ANXA8: variants seen among roughly 807,000 people sequenced by gnomAD.
ANXA8 encodes VAC-beta.
A neutral mutation model predicts 26.8 loss-of-function variants in ANXA8; 9 were observed. The observed-to-expected ratio is 0.34, with a 90% CI of 0.20 to 0.59. ANXA8 has a LOEUF of 0.59. Among genes scored for constraint, ANXA8 ranks in the 20% least tolerant of loss-of-function variants. The probability of loss-of-function intolerance (pLI) is 0.84; values close to 1 mark genes in which losing one functional copy is unlikely to be tolerated. For missense variants in ANXA8, 83 were observed against 238.5 expected, an observed-to-expected ratio of 0.35 and a Z score of 4.29; for synonymous variants, 39 against 94.8, an observed-to-expected ratio of 0.41 and a Z score of 3.42.
At chr10:47,620,105 A>G in the ANXA8 span, among the ~76,000 whole-genome samples, 1 of 111,314 alleles carries the variant, frequency 9.0e-6, no homozygotes, top group South Asian at 3.0e-4. Flanking sequence ...CAGAATCCTA[A>G]TGGTCATGTA....
At chr10:47,946,799 TCTC>T in the ANXA8 span, among the ~76,000 whole-genome samples, 1 of 151,450 alleles carries the variant, frequency 6.6e-6, no homozygotes, top group African/African-American at 2.4e-5. Flanking sequence ...TTCAGGCAAT[TCTC>T]CTGCCTCAGC....
At chr10:47,762,183 A>C in the ANXA8 span, among the ~76,000 whole-genome samples, 1 of 151,324 alleles carries the variant, frequency 6.6e-6, no homozygotes, top group East Asian at 2.0e-4. Flanking sequence ...CAAGGTGAGC[A>C]CGCGCTTAGG....
At chr10:47,470,376 G>A (rs1839298278) in intron 11 of ANXA8, among the ~76,000 whole-genome samples, 1 of 141,698 alleles carries the variant, frequency 7.1e-6, no homozygotes, top group Admixed American at 7.1e-5. Context: ...GTGGTTAAAA[G>A]GGTTAATGAC....
the ANXA8 span, among the ~76,000 whole-genome samples, chr10:47,729,669 T>C: frequency 3.6e-4 from 55 of 151,798 alleles, no homozygotes; most frequent in Middle Eastern, 3.4e-3. Flanking sequence ...TCTGATGTAC[T>C]GCAGCATAAC....
At chr10:47,944,833 A>G in the ANXA8 span, among the ~76,000 whole-genome samples, 1 of 148,498 alleles carries the variant, frequency 6.7e-6, no homozygotes, top group South Asian at 2.1e-4. Context: ...AGAATGAGCT[A>G]ATACATCTCC....
At chr10:47,700,286 T>C in the ANXA8 span, among the ~76,000 whole-genome samples, 1 of 151,884 alleles carries the variant, frequency 6.6e-6, no homozygotes, top group African/African-American at 2.4e-5. Flanking sequence ...AACAGTGAAG[T>C]ACTGATGCAT....
chr10:47,525,346 C>A, the ANXA8 span, among the ~76,000 whole-genome samples: 5 of 140,660 alleles, frequency 3.6e-5, no homozygotes, highest in African/African-American at 1.4e-4. Context: ...GCAGAGACTG[C>A]AGTGAGCCAA....
chr10:47,651,761 G>T, the ANXA8 span, among the ~76,000 whole-genome samples: 1 of 151,886 alleles, frequency 6.6e-6, no homozygotes, highest in Non-Finnish European at 1.5e-5. Context: ...GAACATGGTG[G>T]CTTATGCCTG....
chr10:47,953,503 C>A, the ANXA8 span, among the ~76,000 whole-genome samples: 1 of 150,776 alleles, frequency 6.6e-6, no homozygotes. Flanking sequence ...CTTCGAAAAA[C>A]AGTTTGGAAG....
the ANXA8 span, among the ~76,000 whole-genome samples, chr10:47,940,777 G>A: frequency 3.4e-4 from 49 of 143,434 alleles, 2 homozygotes; most frequent in African/African-American, 1.2e-3. Flanking sequence ...GCAGTGAGCC[G>A]AGATCATGCC....
At chr10:47,664,212 C>T in the ANXA8 span, among the ~76,000 whole-genome samples, 1 of 151,828 alleles carries the variant, frequency 6.6e-6, no homozygotes, top group African/African-American at 2.4e-5. Context: ...CCCGTCTCTA[C>T]TAAAAATACA....
the ANXA8 span, chr10:47,763,209 C>T: frequency 2.0e-6 from 2 of 988,124 alleles, no homozygotes; most frequent in Non-Finnish European, 2.4e-6. Context: ...CGGGCCCCAG[C>T]GCTGCCTGCC....
the ANXA8 span, among the ~76,000 whole-genome samples, chr10:47,958,433 C>A: frequency 1.4e-5 from 2 of 146,228 alleles, no homozygotes; most frequent in African/African-American, 5.3e-5. Flanking sequence ...CAGCCGAGAT[C>A]GAGCCACTGC....
At chr10:47,776,002 A>T in the ANXA8 span, among the ~76,000 whole-genome samples, 1 of 152,016 alleles carries the variant, frequency 6.6e-6, no homozygotes, top group Non-Finnish European at 1.5e-5. Flanking sequence ...ACGTGCCACT[A>T]GGAGGAGCTG....
At chr10:47,951,767 T>C in the ANXA8 span, among the ~76,000 whole-genome samples, 94 of 119,970 alleles carry the variant, frequency 7.8e-4, 4 homozygotes, top group East Asian at 0.024. Context: ...GCTGAGATCG[T>C]ACCACTGCAC....
At chr10:47,522,006 C>G in the ANXA8 span, among the ~76,000 whole-genome samples, 5 of 150,644 alleles carry the variant, frequency 3.3e-5, no homozygotes, top group African/African-American at 1.2e-4. Context: ...AGGCTGGTCT[C>G]GAACTCCTGA....
At chr10:47,495,048 G>A in the ANXA8 span, among the ~76,000 whole-genome samples, 5 of 149,758 alleles carry the variant, frequency 3.3e-5, no homozygotes, top group African/African-American at 7.6e-5. Context: ...GAATCTGAGC[G>A]AATAACCACC....
At chr10:47,690,846 T>C in the ANXA8 span, 5 of 1,611,594 alleles carry the variant, frequency 3.1e-6, no homozygotes, top group Non-Finnish European at 4.2e-6. Flanking sequence ...AAAGAAGCTG[T>C]ACCTCTGAAG....
At chr10:47,534,536 GC>G in the ANXA8 span, among the ~76,000 whole-genome samples, 2 of 137,918 alleles carry the variant, frequency 1.5e-5, 1 homozygote, top group African/African-American at 5.5e-5. Context: ...TTACAAATCT[GC>G]TTTTTTGTGG....
Sources: allele counts gnomAD v4.1 joint callset (sites outside exome capture counted in the v4.1 genomes callset), GRCh38; gene constraint gnomAD v4.1.1; transcripts MANE v1.5; gene names NCBI Gene and HGNC (gene_info 2026-07-23, HGNC 2026-07-21).